The following CNKSR2 variants were observed in gnomAD, a reference collection of about 807,000 sequenced individuals.
CNKSR2 encodes the protein connector enhancer of kinase suppressor of Ras 2.
In CNKSR2, 14 loss-of-function variants were observed where a neutral mutation model predicts 84.4. The observed-to-expected ratio is 0.17, with a 90% confidence interval of 0.11 to 0.26. The LOEUF (loss-of-function observed/expected upper bound fraction) is 0.26. Ranked by LOEUF, CNKSR2 falls within the 10% of genes least tolerant of loss-of-function variation. The pLI, the probability that CNKSR2 is intolerant of heterozygous loss-of-function variation, is 1.00. For synonymous variants in CNKSR2, 275 were observed against 277.9 expected, an observed-to-expected ratio of 0.99 and a Z score of 0.10; for missense variants, 485 against 771.2, an observed-to-expected ratio of 0.63 and a Z score of 4.40.
chrX:21,544,419 A>T (rs2092003483), intron 11 of CNKSR2, among the ~76,000 whole-genome samples: 1 of 111,613 alleles, frequency 9.0e-6, no homozygotes, highest in Non-Finnish European at 1.9e-5. Context: ...ACATCTTTTT[A>T]AAGTTTTTGA....
chrX:21,420,213 C>T (rs958866600), intron 1 of CNKSR2, among the ~76,000 whole-genome samples: 4 of 112,638 alleles, frequency 3.6e-5, no homozygotes, highest in African/African-American at 1.3e-4. Context: ...CAAACTACCA[C>T]TGCTGTTTCC....
chrX:21,526,298 G>GA (rs1312902549), intron 9 of CNKSR2, among the ~76,000 whole-genome samples: 22 of 111,076 alleles, frequency 2.0e-4, no homozygotes, highest in Admixed American at 3.8e-4. Flanking sequence ...TATTTTGACA[G>GA]AAAAAATATG....
intron 1 of CNKSR2, among the ~76,000 whole-genome samples, chrX:21,415,833 TACAC>T (rs559013925): frequency 0.13 from 11,837 of 87,905 alleles, 1,492 homozygotes; most frequent in African/African-American, 0.38. Flanking sequence ...TATACATATA[TACAC>T]ACACACACAC....
chrX:21,587,447 C>T (rs1278822090), intron 13 of CNKSR2, among the ~76,000 whole-genome samples: 1 of 111,714 alleles, frequency 9.0e-6, no homozygotes, highest in East Asian at 2.8e-4. Flanking sequence ...ATACACTTAC[C>T]ACGAATGCAA....
Position 21,374,597 on chromosome X carries a change from A to AGCG in CNKSR2, c.-299_-298insGGC, listed in dbSNP as rs1569131085. 2.7e-5 allele frequency: 8 copies of AGCG among 294,405 alleles called. No individual in the cohort carries two copies. The highest frequency in any genetic ancestry group is 3.5e-5 in the South Asian group (1 of 28,256). 24.3% of individuals were successfully genotyped at this position (294,405 alleles called of 1,213,427 possible). A position where few individuals can be genotyped will look rare whatever the true frequency, so the allele number is the denominator to read the frequency against. On this transcript the variant is annotated 5_prime_UTR_variant, in exon 1 of 22. Transcript: ENST00000379510. Reference sequence around the variant, plus strand: ...GAGACCGGAGCGGAGCGGCGGAGGCAGCAGCAGCAGCAGCAGCAGCAGCAG... The same window carrying AGCG: ...GAGACCGGAGCGGAGCGGCGGAGGCAGCGGCAGCAGCAGCAGCAGCAGCAGCAG...
intron 11 of CNKSR2, among the ~76,000 whole-genome samples, chrX:21,540,971 T>C (rs1248175204): frequency 1.8e-5 from 2 of 110,746 alleles, no homozygotes; most frequent in Non-Finnish European, 3.8e-5. Context: ...AAGAAAAATA[T>C]TTGAAAATAT....
intron 17 of CNKSR2, among the ~76,000 whole-genome samples, chrX:21,598,163 C>T (rs778668494): frequency 9.0e-6 from 1 of 110,799 alleles, no homozygotes; most frequent in South Asian, 3.8e-4. Context: ...TTTAGGCACC[C>T]CACTACTGTT....
chrX:21,432,506 C>A (rs1457435946), intron 2 of CNKSR2, 106 bp from the exon 3 acceptor site: 5 of 561,744 alleles, frequency 8.9e-6, no homozygotes, highest in Non-Finnish European at 1.4e-5. Context: ...TCATTTGTAA[C>A]TCGAATGCTA....
chrX:21,438,426 G>A (rs780271844), intron 3 of CNKSR2, among the ~76,000 whole-genome samples: 1 of 111,621 alleles, frequency 9.0e-6, no homozygotes, highest in Non-Finnish European at 1.9e-5. Context: ...AAAACAATAT[G>A]TTAAAACCAC....
intron 5 of CNKSR2, 34 bp downstream of exon 5, chrX:21,470,841 A>G (rs1275797684): frequency 2.4e-6 from 2 of 828,919 alleles, no homozygotes; most frequent in Non-Finnish European, 1.7e-6. Flanking sequence ...AATCTTTATT[A>G]GAGGATATTT....
At chrX:21,379,422 G>T (rs776814128) in intron 1 of CNKSR2, among the ~76,000 whole-genome samples, 1 of 111,885 alleles carries the variant, frequency 8.9e-6, no homozygotes, top group East Asian at 2.8e-4. Flanking sequence ...GACTAAATTG[G>T]CACCAACAAT....
chrX:21,374,617 CAG>C lies in CNKSR2; in HGVS notation c.-280_-279del, dbSNP rs1160971614. ...GAGGCAGCAGCAGCAGCAGCAGCAG[CAG>C]CAGCAGCAGCAGCCGCCGCCGCCGC... is the stretch of plus-strand genomic sequence containing the variant. On this transcript the variant is annotated 5_prime_UTR_variant, in exon 1 of 22. Coordinates refer to ENST00000379510, the MANE Select transcript of CNKSR2 (RefSeq NM_014927.5). 198 of 507,765 alleles carry C rather than the reference CAG, an allele frequency of 3.9e-4. 1 individual carries two copies. The highest frequency in any genetic ancestry group is 2.6e-3 in the South Asian group (104 of 39,685). 41.8% of individuals were successfully genotyped at this position (507,765 alleles called of 1,213,427 possible).
intron 9 of CNKSR2, among the ~76,000 whole-genome samples, chrX:21,525,644 C>A (rs2091828049): frequency 9.0e-6 from 1 of 110,848 alleles, no homozygotes; most frequent in Non-Finnish European, 1.9e-5. Context: ...TTACATTGTA[C>A]TTTCCATTGT....
At chrX:21,542,241 A>T (rs143390555) in intron 11 of CNKSR2, among the ~76,000 whole-genome samples, 1,177 of 112,611 alleles carry the variant, frequency 0.01, 14 homozygotes, top group Middle Eastern at 0.028. Flanking sequence ...CTAGATTAGT[A>T]GTTACTAGCA....
At chrX:21,650,031 T>A (rs1320272053) in intron 21 of CNKSR2, among the ~76,000 whole-genome samples, 3 of 111,267 alleles carry the variant, frequency 2.7e-5, no homozygotes, top group Non-Finnish European at 5.7e-5. Context: ...TCCTCAAGGA[T>A]CTAGAACCAG....
intron 11 of CNKSR2, among the ~76,000 whole-genome samples, chrX:21,539,979 C>G (rs1249432587): frequency 8.9e-6 from 1 of 111,742 alleles, no homozygotes; most frequent in African/African-American, 3.3e-5. Context: ...CTGTGTGGCC[C>G]TAATTTTCCC....
chrX:21,397,083 C>T (rs1208322021), intron 1 of CNKSR2, among the ~76,000 whole-genome samples: 1 of 111,297 alleles, frequency 9.0e-6, no homozygotes, highest in East Asian at 2.8e-4. Flanking sequence ...ATGCTATTAA[C>T]TGCTAGAAAA....
chrX:21,401,552 G>C (rs1487694363), intron 1 of CNKSR2, among the ~76,000 whole-genome samples: 1 of 111,414 alleles, frequency 9.0e-6, no homozygotes, highest in African/African-American at 3.3e-5. Flanking sequence ...AGTGAGAGTA[G>C]GTATGTGTAT....
intron 8 of CNKSR2, among the ~76,000 whole-genome samples, chrX:21,508,770 A>C (rs1413460141): frequency 8.9e-6 from 1 of 112,278 alleles, no homozygotes; most frequent in Non-Finnish European, 1.9e-5. Context: ...GTCCGCAGTT[A>C]ATATAAGTGA....
Sources: allele counts gnomAD v4.1 joint callset (sites outside exome capture counted in the v4.1 genomes callset), GRCh38; gene constraint gnomAD v4.1.1; transcripts MANE v1.5; gene names NCBI Gene and HGNC (gene_info 2026-07-23, HGNC 2026-07-21).